Variants in TLR3 observed in about 807,000 individuals in gnomAD.
TLR3 encodes toll like receptor 3.
TLR3 carries 43 observed loss-of-function variants against 66.4 expected under a neutral mutation model. The ratio of observed to expected loss-of-function variants is 0.65; its 90% confidence interval spans 0.51 to 0.83. The LOEUF is 0.83. Among genes scored for constraint, TLR3 ranks in the 40% least tolerant of loss-of-function variants. The probability of loss-of-function intolerance (pLI) is 0.00; values close to 1 mark genes in which losing one functional copy is unlikely to be tolerated. For missense variants in TLR3, 982 were observed against 1,044.6 expected (o/e 0.94, Z 0.83); for synonymous variants, 397 against 397.2 (o/e 1.00, Z 0.01).
In TLR3 at chr4:186,084,659, A is replaced by T. The variant is rs773807808; in HGVS notation, c.2501A>T (p.His834Leu). ...TTTTTACTTAGATTCAAGGTACATC[A>T]TGCAGTTCAACAAGCTATTGAACAA... The part of the protein sequence containing the change: ...DPLCKRFKVH[H>L]AVQQAIEQNL... Residue 834 changes from histidine (H) to leucine (L), a missense_variant, in exon 5 of 5, where the codon CAT becomes CTT. Physicochemically the swap from His to Leu is moderately conservative, Grantham distance 99. Around this residue, in one of 3 missense-constraint regions of TLR3, gnomAD observed 666 missense variants for 709.0 expected, o/e 0.94. Transcript: ENST00000296795. The T allele has an allele frequency of 3.7e-6, 6 of 1,611,176 alleles. No individual in the cohort carries two copies. The Admixed American group carries it at 1.0e-4, about 27-fold the overall frequency.
At chr4:186,072,429 C>T (rs1035320416) in intron 1 of TLR3, among the ~76,000 whole-genome samples, 5 of 152,176 alleles carry the variant, frequency 3.3e-5, no homozygotes, top group African/African-American at 1.2e-4. Context: ...TCTCCTGCCT[C>T]GGCCTTCCCA....
At chr4:186,081,530 T>G (rs2099303463) in intron 3 of TLR3, 1 of 152,110 alleles carries the variant, frequency 6.6e-6, no homozygotes, top group Admixed American at 6.5e-5. Flanking sequence ...AGCTCAGAGT[T>G]CCAGAAAGGA....
chr4:186,076,784 G>C lies in TLR3; in HGVS notation c.165G>C (p.Val55=), dbSNP rs139854420. 5 of 1,614,016 alleles carry C rather than the reference G, an allele frequency of 3.1e-6. No homozygotes were observed. In the Admixed American group the frequency reaches 6.7e-5, roughly 22 times the overall value. The part of the protein sequence containing the change: ...VPDDLPTNIT[V]LNLTHNQLRR... ...ATGATCTACCCACAAACATAACAGT[G>C]TTGAACCTTACCCATAATCAACTCA... The change falls in exon 2 of 5, where the codon GTG becomes GTC. Residue 55 remains valine, a synonymous_variant. Coordinates refer to ENST00000296795, the MANE Select transcript of TLR3 (RefSeq NM_003265.3).
At chr4:186,077,174 G>A in intron 2 of TLR3, 114 bp downstream of exon 2, 1 of 1,112,400 alleles carries the variant, frequency 9.0e-7, no homozygotes, top group Non-Finnish European at 1.3e-6. Context: ...AATCCAATTT[G>A]CCACAAATAT....
chr4:186,083,065 A>T lies in TLR3; in HGVS notation c.1379A>T (p.Glu460Val). 6.2e-7 allele frequency: 1 copy of T among 1,614,154 alleles called. No individual in the cohort carries two copies. Among genetic ancestry groups the T allele is most frequent in the Non-Finnish European group, 8.5e-7 (1 of 1,180,034 alleles). ...TGGAGAGGTCTAGAAAATATTTTCG[A>T]AATCTATCTTTCCTACAACAAGTAC... Reference protein sequence around the residue: ...QEWRGLENIFEIYLSYNKYLQ... With the variant: ...QEWRGLENIFVIYLSYNKYLQ... The change falls in exon 4 of 5, where the codon GAA (glutamate) becomes GTA (valine). Residue 460 changes from glutamate to valine, a missense_variant. Around this residue, in one of 3 missense-constraint regions of TLR3, gnomAD observed 666 missense variants for 709.0 expected, o/e 0.94. Transcript: ENST00000296795. This position sits in a 1 kb window ranked among gnomAD's most constrained non-coding sequence, Gnocchi z 4.0.
chr4:186,074,694 T>C (rs990883443), intron 1 of TLR3, among the ~76,000 whole-genome samples: 45 of 152,374 alleles, frequency 3.0e-4, no homozygotes, highest in African/African-American at 1.1e-3. Context: ...ACTTTTTGAC[T>C]CGTGTAATAA....
rs1258714968 is a variant in TLR3 at position 186,087,629 on chromosome 4, T to A, written c.*2756T>A. 6.6e-6 allele frequency: 1 copy of A among 152,196 alleles called. No homozygotes were observed. The highest frequency in any genetic ancestry group is 2.4e-5 in the African/African-American group (1 of 41,456). 9.4% of individuals were successfully genotyped at this position (152,196 alleles called of 1,614,324 possible). On this transcript the variant is annotated 3_prime_UTR_variant, in exon 5 of 5. Transcript: ENST00000296795. Reference sequence around the variant, plus strand: ...TTAGGTTGTACCTAAAAATGATAACTTTTAGACTGTAATCAGAGGTAGATG... The same window carrying A: ...TTAGGTTGTACCTAAAAATGATAACATTTAGACTGTAATCAGAGGTAGATG...
chr4:186,084,123 A>C lies in TLR3; in HGVS notation c.2437A>C (p.Ile813Leu). ...IVNSIKRSRK[I>L]IFVITHHLLK... Reference sequence around the variant, plus strand: ...TAACAGCATCAAAAGAAGCAGAAAAATTATTTTTGTTATAACACACCATCT... The same window carrying C: ...TAACAGCATCAAAAGAAGCAGAAAACTTATTTTTGTTATAACACACCATCT... Residue 813 changes from isoleucine to leucine, a missense_variant, in exon 4 of 5, where the codon ATT becomes CTT. Transcript: ENST00000296795. 1 of 1,614,036 alleles carries C rather than the reference A, an allele frequency of 6.2e-7. No homozygotes were observed. Among genetic ancestry groups the C allele is most frequent in the Non-Finnish European group, 8.5e-7 (1 of 1,180,012 alleles).
rs762922535 is a variant in TLR3, at chr4:186,076,824, G to T, written c.205G>T (p.Ala69Ser). Residue 69 changes from alanine (A) to serine (S), a missense_variant, in exon 2 of 5, where the codon GCC becomes TCC. Coordinates refer to ENST00000296795, the MANE Select transcript of TLR3 (RefSeq NM_003265.3). ...TAATCAACTCAGAAGATTACCAGCC[G>T]CCAACTTCACAAGGTATAGCCAGCT... ...THNQLRRLPA[A>S]NFTRYSQLTS... 1.2e-6 allele frequency: 2 copies of T among 1,613,958 alleles called. No individual in the cohort carries two copies. Among genetic ancestry groups the T allele is most frequent in the African/African-American group, 1.3e-5 (1 of 74,884 alleles).
Position 186,083,640 on chromosome 4 carries a change from G to A in TLR3, c.1954G>A (p.Glu652Lys). ...MRFNPFDCTC[E>K]SIAWFVNWIN... ...CTTTAATCCCTTTGATTGCACGTGT[G>A]AAAGTATTGCCTGGTTTGTTAATTG... Residue 652 changes from glutamate to lysine, a missense_variant, in exon 4 of 5, where the codon GAA becomes AAA. Physicochemically the swap from Glu to Lys is moderately conservative, Grantham distance 56 (BLOSUM62 1). Coordinates refer to ENST00000296795, the MANE Select transcript of TLR3 (RefSeq NM_003265.3). This position sits in a 1 kb window ranked among gnomAD's most constrained non-coding sequence, Gnocchi z 4.0. 1.3e-6 allele frequency: 2 copies of A among 1,599,474 alleles called. No individual in the cohort carries two copies. The highest frequency in any genetic ancestry group is 8.5e-7 in the Non-Finnish European group (1 of 1,173,192).
Position 186,083,943 on chromosome 4 carries a change from C to T in TLR3, c.2257C>T (p.Gln753Ter), listed in dbSNP as rs1266773017. ...CAAAGAAATAGACAGACAGACAGAA[C>T]AGTTTGAATATGCAGCATATATAAT... ...GFKEIDRQTEQFEYAAYIIHA... is the reference protein window; with the variant it reads ...GFKEIDRQTE Residue 753 changes from glutamine (Q) to a stop codon, truncating the protein, a stop_gained, in exon 4 of 5, where the codon CAG becomes TAG. Transcript: ENST00000296795. LOFTEE classifies it high-confidence loss of function. The surrounding 1 kb of genome is among the most constrained non-coding windows in gnomAD (Gnocchi z 4.0). 15 of 1,613,960 alleles carry T rather than the reference C, an allele frequency of 9.3e-6. No individual in the cohort carries two copies. The highest frequency in any genetic ancestry group is 1.3e-5 in the Non-Finnish European group (15 of 1,180,030).
intron 3 of TLR3, among the ~76,000 whole-genome samples, chr4:186,079,717 G>A (rs1014993481): frequency 6.6e-6 from 1 of 152,204 alleles, no homozygotes; most frequent in African/African-American, 2.4e-5. Flanking sequence ...TATCTGGACC[G>A]GTGGCACAGG....
intron 2 of TLR3, 67 bp downstream of exon 2, chr4:186,077,127 T>TA (rs2099302579): frequency 6.8e-7 from 1 of 1,466,662 alleles, no homozygotes; most frequent in Non-Finnish European, 9.3e-7. Flanking sequence ...ACTTACTATC[T>TA]AAATATCAAG....
intron 3 of TLR3, 126 bp downstream of exon 3, chr4:186,079,157 C>A: frequency 3.3e-6 from 3 of 912,890 alleles, no homozygotes; most frequent in Non-Finnish European, 5.1e-6. Flanking sequence ...TTCCCACCTA[C>A]TGCTTGGGGG....
chr4:186,081,295 C>A, intron 3 of TLR3, among the ~76,000 whole-genome samples: 1 of 150,982 alleles, frequency 6.6e-6, no homozygotes, highest in African/African-American at 2.4e-5. Flanking sequence ...AAAAAGAAAT[C>A]AGAGCCCTTT....
rs1579732733 is a variant in TLR3, at chr4:186,084,273, T to C, written c.2486+101T>C. 3.3e-6 allele frequency: 4 copies of C among 1,211,350 alleles called. No homozygotes were observed. The Admixed American group carries it at 8.5e-5, about 26-fold the overall frequency. The allele number at this position is 1,211,350 out of a possible 1,614,324, so 75.0% of individuals were successfully genotyped here. ...TCCTGCTCTGTTGCCCAGGCTGGAG[T>C]GCAGTGGTGTGATCTCAGCTTACTG... is the stretch of plus-strand genomic sequence containing the variant. On this transcript the variant is annotated intron_variant, in intron 4 of 4. Transcript: ENST00000296795.
chr4:186,085,085 A>T lies in TLR3; in HGVS notation c.*212A>T. ...GACTTAATTTTACCCAAAATAAAAC[A>T]TATAAGCACGTAAGAACATTGTCTA... On this transcript the variant is annotated 3_prime_UTR_variant, in exon 5 of 5. Coordinates refer to ENST00000296795, the MANE Select transcript of TLR3 (RefSeq NM_003265.3). 4 of 575,358 alleles carry T rather than the reference A, an allele frequency of 7.0e-6. No individual in the cohort carries two copies. The South Asian group carries it at 8.3e-5, about 12-fold the overall frequency. 35.6% of individuals were successfully genotyped at this position (575,358 alleles called of 1,614,324 possible).
At chr4:186,070,496 C>T (rs759794839) in intron 1 of TLR3, among the ~76,000 whole-genome samples, 2 of 151,462 alleles carry the variant, frequency 1.3e-5, no homozygotes, top group Non-Finnish European at 2.9e-5. Flanking sequence ...GCAATTCTCA[C>T]ACCTCAGTGT....
At chr4:186,070,997 C>A (rs909196025) in intron 1 of TLR3, among the ~76,000 whole-genome samples, 8 of 152,186 alleles carry the variant, frequency 5.3e-5, no homozygotes, top group African/African-American at 1.9e-4. Context: ...TATGCTTTGC[C>A]TGGATATGAA....
Sources: gnomAD v4.1 joint callset for allele counts (sites outside exome capture counted in the v4.1 genomes callset) on GRCh38, gnomAD v4.1.1 for gene constraint, gnomAD v4.1.1 regional missense constraint, Gnocchi (gnomAD v3.1) non-coding constraint, MANE v1.5 for transcripts, NCBI Gene and HGNC (gene_info 2026-07-23, HGNC 2026-07-21) for gene names.